Variants in TBCEL observed in about 807,000 individuals in gnomAD.
TBCEL encodes tubulin folding cofactor E like.
Under a neutral mutation model 44.2 loss-of-function variants are expected in TBCEL, and 15 were observed. That is an observed-to-expected ratio of 0.34 (90% CI 0.23 to 0.52). The LOEUF is 0.52. Among genes scored for constraint, TBCEL ranks in the 20% least tolerant of loss-of-function variants. The pLI is 0.95. For synonymous variants in TBCEL, 171 were observed against 185.4 expected, an observed-to-expected ratio of 0.92 and a Z score of 0.63; for missense variants, 319 against 506.3, an observed-to-expected ratio of 0.63 and a Z score of 3.55.
At chr11:121,082,092 T>G (rs1245783323) in intron 8 of TBCEL, among the ~76,000 whole-genome samples, 1 of 152,246 alleles carries the variant, frequency 6.6e-6, no homozygotes, top group Non-Finnish European at 1.5e-5. Context: ...CTTTTTATGC[T>G]TATTGTATTT....
chr11:121,067,734 A>G (rs1036321430), intron 8 of TBCEL, among the ~76,000 whole-genome samples: 1 of 152,228 alleles, frequency 6.6e-6, no homozygotes, highest in African/African-American at 2.4e-5. Context: ...GTAGCTGGAA[A>G]GATGTCCTTA....
At chr11:121,031,945 A>G (rs746363160) in intron 1 of TBCEL, among the ~76,000 whole-genome samples, 1 of 152,100 alleles carries the variant, frequency 6.6e-6, no homozygotes, top group Non-Finnish European at 1.5e-5. Context: ...GATGTAAGCC[A>G]CCATGACTGG....
At chr11:121,039,942 A>T (rs546389999) in intron 2 of TBCEL, among the ~76,000 whole-genome samples, 1 of 152,340 alleles carries the variant, frequency 6.6e-6, no homozygotes, top group African/African-American at 2.4e-5. Context: ...GGTCCTTGTC[A>T]AATAACTGAA....
intron 3 of TBCEL, among the ~76,000 whole-genome samples, chr11:121,047,242 G>A (rs1255567874): frequency 6.6e-6 from 1 of 152,016 alleles, no homozygotes; most frequent in East Asian, 1.9e-4. Context: ...GCGTGGATGA[G>A]GGCTCTGTTG....
intron 2 of TBCEL, among the ~76,000 whole-genome samples, chr11:121,044,124 G>C (rs560969717): frequency 6.6e-6 from 1 of 152,122 alleles, no homozygotes; most frequent in African/African-American, 2.4e-5. Flanking sequence ...ACATGATCGT[G>C]AATCTGCCTC....
At position 121,047,554 on chromosome 11, in the gene TBCEL, GTGT is replaced by G. The variant is rs748739122; in HGVS notation, c.163_165del (p.Leu55del). On this transcript the variant is annotated inframe_deletion, in exon 4 of 9. Transcript: ENST00000683345. ...TCGCCTCAACCTCCCAAGTGTACTAGTGTTGAACAGCTGTGGAATAACCTGTGC... is the reference window on the plus strand; with the variant it reads ...TCGCCTCAACCTCCCAAGTGTACTAGTGAACAGCTGTGGAATAACCTGTGC... 1 of 1,612,520 alleles carries G rather than the reference GTGT, an allele frequency of 6.2e-7. No individual in the cohort carries two copies. The highest frequency in any genetic ancestry group is 8.5e-7 in the Non-Finnish European group (1 of 1,179,014).
intron 6 of TBCEL, among the ~76,000 whole-genome samples, chr11:121,058,067 T>G (rs1187388867): frequency 2.0e-5 from 3 of 151,832 alleles, no homozygotes; most frequent in Non-Finnish European, 4.4e-5. Flanking sequence ...TGACCCCTCT[T>G]TATAAGTCAC....
At chr11:121,056,577 G>A (rs1945625016) in intron 6 of TBCEL, among the ~76,000 whole-genome samples, 1 of 151,808 alleles carries the variant, frequency 6.6e-6, no homozygotes, top group Admixed American at 6.6e-5. Flanking sequence ...TTCCAAAGTG[G>A]CTGTATCATT....
At chr11:121,025,282 AC>A (rs10718572) in intron 1 of TBCEL, among the ~76,000 whole-genome samples, 3,622 of 152,064 alleles carry the variant, frequency 0.024, 113 homozygotes, top group African/African-American at 0.068. Context: ...TGGAGCTCTT[AC>A]GTTTCCAGTA....
intron 6 of TBCEL, among the ~76,000 whole-genome samples, chr11:121,056,814 G>A (rs578041180): frequency 6.6e-6 from 1 of 151,752 alleles, no homozygotes; most frequent in Non-Finnish European, 1.5e-5. Flanking sequence ...GGCCCATTTT[G>A]TAGCCAGATT....
At chr11:121,060,140 A>T in intron 8 of TBCEL, 55 bp downstream of exon 8, 2 of 1,296,680 alleles carry the variant, frequency 1.5e-6, no homozygotes, top group Non-Finnish European at 1.1e-6. Flanking sequence ...CCAGTTAAGA[A>T]CTCTAGTGTT....
intron 6 of TBCEL, among the ~76,000 whole-genome samples, chr11:121,055,665 C>T (rs1945607066): frequency 6.6e-6 from 1 of 151,804 alleles, no homozygotes; most frequent in Non-Finnish European, 1.5e-5. Context: ...AAATCCCAAC[C>T]TGCTGTCTTT....
At chr11:121,071,325 C>T (rs1392381386) in intron 8 of TBCEL, among the ~76,000 whole-genome samples, 2 of 152,150 alleles carry the variant, frequency 1.3e-5, no homozygotes, top group African/African-American at 4.8e-5. Flanking sequence ...GTCAGCATAT[C>T]ATGTATCTTT....
chr11:121,058,580 G>C, intron 7 of TBCEL, 109 bp downstream of exon 7: 1 of 1,420,980 alleles, frequency 7.0e-7, no homozygotes, highest in Non-Finnish European at 9.8e-7. Flanking sequence ...CATCCTTTGA[G>C]CAGACTGTGC....
intron 6 of TBCEL, chr11:121,057,572 T>C (rs1945644145): frequency 2.2e-6 from 1 of 454,822 alleles, no homozygotes; most frequent in Non-Finnish European, 4.4e-6. Flanking sequence ...ACTTCATCCA[T>C]GCATTCAACC....
At chr11:121,065,415 AT>A (rs1156605512) in intron 8 of TBCEL, among the ~76,000 whole-genome samples, 1 of 152,110 alleles carries the variant, frequency 6.6e-6, no homozygotes, top group African/African-American at 2.4e-5. Context: ...TCTCCTCAGA[AT>A]CCTCCTGTAT....
At position 121,089,224 on chromosome 11, in the gene TBCEL, C is replaced by G. The variant is rs964379910; in HGVS notation, c.*2128C>G. 7 of 152,158 alleles carry G rather than the reference C, an allele frequency of 4.6e-5. No individual in the cohort carries two copies. Among genetic ancestry groups the G allele is most frequent in the African/African-American group, 1.7e-4 (7 of 41,440 alleles). The allele number at this position is 152,158 out of a possible 1,614,324, so 9.4% of individuals were successfully genotyped here. The stretch of plus-strand genomic sequence containing the variant: ...ACAAACACTTATGTTATGCTTTAAT[C>G]ATAAGTGGAATGGTCACAATTAATA... On this transcript the variant is annotated 3_prime_UTR_variant, in exon 9 of 9. Coordinates refer to ENST00000683345, the MANE Select transcript of TBCEL (RefSeq NM_001363644.2).
Position 121,054,752 on chromosome 11 carries a change from C to T in TBCEL, c.456-300C>T, listed in dbSNP as rs182417859. The T allele has an allele frequency of 4.6e-3, 1,017 of 220,764 alleles. 3 individuals are homozygous for T. Among genetic ancestry groups the T allele is most frequent in the Middle Eastern group, 0.02 (13 of 646 alleles). 13.7% of individuals were successfully genotyped at this position (220,764 alleles called of 1,614,324 possible). ...TTCTAAGTATAATTTTAATTTCATT[C>T]TTATGTGAATGGCTATTATACTTAC... On this transcript the variant is annotated intron_variant, in intron 5 of 8. Transcript: ENST00000683345.
At chr11:121,031,662 CTTTTT>C (rs1159376351) in intron 1 of TBCEL, among the ~76,000 whole-genome samples, 1 of 101,866 alleles carries the variant, frequency 9.8e-6, no homozygotes. Context: ...TTTTTTCTTT[CTTTTT>C]TTTTTTTTTT....
Sources: allele counts gnomAD v4.1 joint callset (sites outside exome capture counted in the v4.1 genomes callset), GRCh38; gene constraint gnomAD v4.1.1; transcripts MANE v1.5; gene names NCBI Gene and HGNC (gene_info 2026-07-23, HGNC 2026-07-21).